MACROD2: variants seen among roughly 807,000 people sequenced by gnomAD.
The protein encoded by MACROD2 is ADP-ribose glycohydrolase MACROD2.
Under a neutral mutation model 70.4 loss-of-function variants are expected in MACROD2, and 36 were observed. That is an observed-to-expected ratio of 0.51 (90% confidence interval 0.39 to 0.68). MACROD2 has a LOEUF of 0.68. Among genes scored for constraint, MACROD2 ranks in the 30% least tolerant of loss-of-function variants. The probability of loss-of-function intolerance (pLI) is 0.00; values close to 1 mark genes in which losing one functional copy is unlikely to be tolerated. For synonymous variants in MACROD2, 172 were observed against 178.8 expected (o/e 0.96, Z 0.30); for missense variants, 496 against 538.4 (o/e 0.92, Z 0.78).
At chr20:15,878,810 T>G (rs1370626699) in intron 9 of MACROD2, among the ~76,000 whole-genome samples, 1 of 152,148 alleles carries the variant, frequency 6.6e-6, no homozygotes, top group African/African-American at 2.4e-5. Flanking sequence ...GGTTAGACAT[T>G]TCCTTATGAA....
chr20:14,463,623 G>T (rs2084400230), intron 3 of MACROD2, among the ~76,000 whole-genome samples: 1 of 152,024 alleles, frequency 6.6e-6, no homozygotes, highest in South Asian at 2.1e-4. Flanking sequence ...GTTTTCAAAG[G>T]GAATACTTCC....
chr20:14,454,376 A>G (rs986329151), intron 3 of MACROD2, among the ~76,000 whole-genome samples: 1 of 151,070 alleles, frequency 6.6e-6, no homozygotes, highest in African/African-American at 2.4e-5. Context: ...AATAGCTGTA[A>G]ATTTTTATGT....
intron 15 of MACROD2, among the ~76,000 whole-genome samples, chr20:16,035,489 G>A (rs1414053686): frequency 6.6e-6 from 1 of 151,766 alleles, no homozygotes; most frequent in East Asian, 1.9e-4. Context: ...TTTGTAGTTT[G>A]ATAGATGATT....
chr20:14,121,519 T>C (rs1355544738), intron 3 of MACROD2, among the ~76,000 whole-genome samples: 1 of 152,208 alleles, frequency 6.6e-6, no homozygotes, highest in African/African-American at 2.4e-5. Context: ...CCTTGTCTTT[T>C]CTGTGGGATT....
intron 7 of MACROD2, among the ~76,000 whole-genome samples, chr20:15,436,666 T>C (rs2046431517): frequency 6.6e-6 from 1 of 152,198 alleles, no homozygotes; most frequent in South Asian, 2.1e-4. Flanking sequence ...ACTAGTTTTC[T>C]TGCTCTTATT....
At chr20:14,022,457 A>G (rs1353985546) in intron 2 of MACROD2, among the ~76,000 whole-genome samples, 1 of 139,196 alleles carries the variant, frequency 7.2e-6, no homozygotes, top group Non-Finnish European at 1.6e-5. Flanking sequence ...TTTTTTTTTT[A>G]ATTATACTTT....
intron 8 of MACROD2, among the ~76,000 whole-genome samples, chr20:15,692,392 A>G (rs1298693256): frequency 6.6e-6 from 1 of 152,074 alleles, no homozygotes; most frequent in African/African-American, 2.4e-5. Context: ...TTTTTTCTAT[A>G]TCAGCAATAG....
At chr20:14,575,339 C>T (rs946727656) in intron 4 of MACROD2, among the ~76,000 whole-genome samples, 6 of 152,098 alleles carry the variant, frequency 3.9e-5, no homozygotes, top group Non-Finnish European at 8.8e-5. Flanking sequence ...TAATAAAAGA[C>T]AGTTGGATTC....
chr20:15,463,952 T>C (rs1211419363), intron 7 of MACROD2, among the ~76,000 whole-genome samples: 2 of 152,174 alleles, frequency 1.3e-5, no homozygotes, highest in African/African-American at 2.4e-5. Flanking sequence ...AGTATCCTAG[T>C]CCCTTCTATG....
intron 5 of MACROD2, among the ~76,000 whole-genome samples, chr20:14,869,864 A>T (rs2073468290): frequency 1.3e-5 from 2 of 152,108 alleles, no homozygotes; most frequent in African/African-American, 4.8e-5. Flanking sequence ...TGTCTCGTTC[A>T]CCTCAAATTT....
intron 3 of MACROD2, among the ~76,000 whole-genome samples, chr20:14,433,182 A>G (rs2084015411): frequency 6.6e-6 from 1 of 152,160 alleles, no homozygotes; most frequent in African/African-American, 2.4e-5. Flanking sequence ...TTGTCATTTT[A>G]TGGTCTTAAG....
At chr20:14,809,094 T>G (rs918622632) in intron 5 of MACROD2, among the ~76,000 whole-genome samples, 1 of 152,118 alleles carries the variant, frequency 6.6e-6, no homozygotes, top group Non-Finnish European at 1.5e-5. Context: ...CTAATAGACA[T>G]CTACAGAATT....
rs867091592 is a variant in MACROD2, at chr20:15,142,554, C to T, written c.419-87386C>T. On this transcript the variant is annotated intron_variant, in intron 5 of 17. Transcript: ENST00000684519. ...TACTTTAAGTTCTAGGGTACATGTG[C>T]ACAACGTGCAGATTTGTTACATATG... 5.9e-5 allele frequency among the ~76,000 whole-genome samples: 9 copies of T among 151,982 alleles called. No homozygotes were observed. In the South Asian group the frequency reaches 1.0e-3, roughly 18 times the overall value.
intron 8 of MACROD2, among the ~76,000 whole-genome samples, chr20:15,533,541 GTCGCTC>G (rs986359657): frequency 6.8e-5 from 8 of 118,416 alleles, no homozygotes; most frequent in Non-Finnish European, 1.2e-4. Flanking sequence ...CTCTGTCTCT[GTCGCTC>G]TCTCTCTCTC....
chr20:16,036,815 G>A (rs543362125), intron 15 of MACROD2, among the ~76,000 whole-genome samples: 8 of 151,818 alleles, frequency 5.3e-5, no homozygotes, highest in Non-Finnish European at 7.4e-5. Context: ...ATGCACGCAC[G>A]CACATGCAAA....
intron 13 of MACROD2, among the ~76,000 whole-genome samples, chr20:15,984,637 C>G (rs35714693): frequency 1.4e-5 from 2 of 146,530 alleles, no homozygotes; most frequent in African/African-American, 2.5e-5. Flanking sequence ...TGCCTCCCCC[C>G]CCCGCCCTTC....
rs182721994 is a variant in MACROD2 at position 15,035,032 on chromosome 20, T to A, written c.419-194908T>A. 3.2e-3 allele frequency among the ~76,000 whole-genome samples: 491 copies of A among 152,310 alleles called. 16 individuals are homozygous for A. Among genetic ancestry groups the A allele is most frequent in the Admixed American group, 0.031 (470 of 15,284 alleles). On this transcript the variant is annotated intron_variant, in intron 5 of 17. Coordinates refer to ENST00000684519, the MANE Select transcript of MACROD2 (RefSeq NM_001351661.2). ...TTTTAGGTCTTTTGATATGCATTCATGCTTATATCAGCAGGATTCAAGAAG... is the reference window on the plus strand; with the variant it reads ...TTTTAGGTCTTTTGATATGCATTCAAGCTTATATCAGCAGGATTCAAGAAG...
chr20:14,648,242 T>C (rs1985498442), intron 4 of MACROD2, among the ~76,000 whole-genome samples: 1 of 152,194 alleles, frequency 6.6e-6, no homozygotes, highest in African/African-American at 2.4e-5. Context: ...GTAAGATGAC[T>C]AGGCCTGTAA....
chr20:15,402,503 G>T (rs2045944381), intron 6 of MACROD2, among the ~76,000 whole-genome samples: 2 of 152,194 alleles, frequency 1.3e-5, no homozygotes. Context: ...GATTCATAGG[G>T]ATGGCTGAAT....
Sources: allele counts gnomAD v4.1 joint callset (sites outside exome capture counted in the v4.1 genomes callset), GRCh38; gene constraint gnomAD v4.1.1; transcripts MANE v1.5; gene names NCBI Gene and HGNC (gene_info 2026-07-23, HGNC 2026-07-21).